The following ARHGAP5 variants were observed in gnomAD, a reference collection of about 807,000 sequenced individuals.
ARHGAP5 encodes the protein rho GTPase-activating protein 5.
A neutral mutation model predicts 116.6 loss-of-function variants in ARHGAP5; 23 were observed. The observed-to-expected ratio is 0.20, with a 90% confidence interval of 0.14 to 0.28. The LOEUF (loss-of-function observed/expected upper bound fraction) is 0.28. Ranked by LOEUF, ARHGAP5 falls within the 10% of genes least tolerant of loss-of-function variation. ARHGAP5 has a pLI of 1.00. For synonymous variants in ARHGAP5, 574 were observed against 602.0 expected, an observed-to-expected ratio of 0.95 and a Z score of 0.68; for missense variants, 1,405 against 1,774.8, an observed-to-expected ratio of 0.79 and a Z score of 3.74.
rs188541865 is a variant in ARHGAP5 at position 32,122,521 on chromosome 14, A to G, written c.3865+5234A>G. 3.0e-4 allele frequency among the ~76,000 whole-genome samples: 45 copies of G among 152,340 alleles called. No homozygotes were observed. The East Asian group carries it at 7.7e-3, about 26-fold the overall frequency. ...ATAAAGTTTTCAATTTTGATGAAGA[A>G]CATTTTGTCTGTTTCTAAAATTTTG... On this transcript the variant is annotated intron_variant, in intron 3 of 6. Coordinates refer to ENST00000345122, the MANE Select transcript of ARHGAP5 (RefSeq NM_001030055.2).
chr14:32,151,652 T>C (rs1881643150), intron 5 of ARHGAP5, among the ~76,000 whole-genome samples: 1 of 152,254 alleles, frequency 6.6e-6, no homozygotes, highest in Non-Finnish European at 1.5e-5. Context: ...TTACATGTTG[T>C]CTGTTACTGC....
rs1282908168 is a variant in ARHGAP5 at position 32,113,429 on chromosome 14, G to GTT, written c.3718-3710_3718-3709dup. Among the ~76,000 whole-genome samples, 11 of 152,072 alleles carry GTT rather than the reference G, an allele frequency of 7.2e-5. No homozygotes were observed. In the East Asian group the frequency reaches 2.1e-3, roughly 29 times the overall value. On this transcript the variant is annotated intron_variant, in intron 2 of 6. Coordinates refer to ENST00000345122, the MANE Select transcript of ARHGAP5 (RefSeq NM_001030055.2). ...GGATTATAATTTGACTGTCAGAGCA[G>GTT]TTCTTTATTTCTAAAGTATCCCTTT...
intron 3 of ARHGAP5, among the ~76,000 whole-genome samples, chr14:32,128,657 T>G (rs1013863005): frequency 1.3e-5 from 2 of 152,252 alleles, no homozygotes; most frequent in Non-Finnish European, 2.9e-5. Flanking sequence ...CCCCGGCTGC[T>G]CCATCCCGCT....
In ARHGAP5 at chr14:32,158,334, A is replaced by AT. The variant is rs1035410206; in HGVS notation, c.*3392dup. ...GGGGATGTATATAGGTGAAAATTTG[A>AT]TTTTTTAAATTATCAGGAAAACAAG... is the stretch of plus-strand genomic sequence containing the variant. On this transcript the variant is annotated 3_prime_UTR_variant, in exon 7 of 7. Transcript: ENST00000345122. 6.6e-6 allele frequency: 1 copy of AT among 151,948 alleles called. No individual in the cohort carries two copies. The highest frequency in any genetic ancestry group is 1.5e-5 in the Non-Finnish European group (1 of 67,848). The allele number at this position is 151,948 out of a possible 1,614,324, so 9.4% of individuals were successfully genotyped here. A position where few individuals can be genotyped will look rare whatever the true frequency, so the allele number is the denominator to read the frequency against.
intron 5 of ARHGAP5, among the ~76,000 whole-genome samples, chr14:32,151,466 TGTA>T (rs1156623719): frequency 2.6e-5 from 4 of 152,382 alleles, no homozygotes; most frequent in Admixed American, 2.6e-4. Flanking sequence ...TACAAGTAAT[TGTA>T]GTATAGGCGA....
chr14:32,135,425 GT>G (rs1566679617), intron 3 of ARHGAP5, among the ~76,000 whole-genome samples: 1 of 152,064 alleles, frequency 6.6e-6, no homozygotes, highest in East Asian at 1.9e-4. Context: ...GGTCTAAGTT[GT>G]TTTTTTGTTT....
chr14:32,094,746 C>G (rs1282003009), intron 2 of ARHGAP5, among the ~76,000 whole-genome samples: 1 of 152,110 alleles, frequency 6.6e-6, no homozygotes, highest in East Asian at 1.9e-4. Context: ...ACATACCTGT[C>G]TCACTCAAGG....
In ARHGAP5 at chr14:32,091,950, G is replaced by A; in HGVS notation, c.1281G>A (p.Arg427=). 6.2e-7 allele frequency: 1 copy of A among 1,613,540 alleles called. No homozygotes were observed. The change falls in exon 2 of 7, where the codon AGG becomes AGA. Residue 427 remains arginine, a synonymous_variant. Coordinates refer to ENST00000345122, the MANE Select transcript of ARHGAP5 (RefSeq NM_001030055.2). ...HVQHLISEKR[R]VEMKEKFKKT... ...AGCATCTGATATCCGAGAAGAGGAG[G>A]GTGGAAATGAAGGAAAAATTCAAAA... is the stretch of plus-strand genomic sequence containing the variant.
At chr14:32,139,780 A>C (rs1489406886) in intron 3 of ARHGAP5, among the ~76,000 whole-genome samples, 1 of 150,578 alleles carries the variant, frequency 6.6e-6, no homozygotes, top group African/African-American at 2.4e-5. Context: ...AGTTCCTTAA[A>C]GTTGGAATCT....
chr14:32,098,968 G>A (rs983448017), intron 2 of ARHGAP5, among the ~76,000 whole-genome samples: 3 of 152,202 alleles, frequency 2.0e-5, no homozygotes, highest in Admixed American at 6.5e-5. Context: ...TAGAGAGGCT[G>A]TGGAAGACCG....
At chr14:32,143,200 T>TTTGTTG (rs1440868192) in intron 3 of ARHGAP5, among the ~76,000 whole-genome samples, 1 of 125,306 alleles carries the variant, frequency 8.0e-6, no homozygotes, top group Non-Finnish European at 1.7e-5. Flanking sequence ...CAACATTATT[T>TTTGTTG]TAGTTGTTGT....
At chr14:32,114,397 T>C (rs779688227) in intron 2 of ARHGAP5, among the ~76,000 whole-genome samples, 17 of 152,240 alleles carry the variant, frequency 1.1e-4, no homozygotes, top group Non-Finnish European at 1.8e-4. Context: ...ACTCAGCCAG[T>C]GTACCCCTGC....
At chr14:32,096,152 T>A (rs1041247046) in intron 2 of ARHGAP5, among the ~76,000 whole-genome samples, 1 of 151,998 alleles carries the variant, frequency 6.6e-6, no homozygotes, top group African/African-American at 2.4e-5. Context: ...TTTTTTTTTT[T>A]AAGCCCTTTG....
intron 3 of ARHGAP5, among the ~76,000 whole-genome samples, chr14:32,131,233 T>TA (rs1299798487): frequency 3.9e-5 from 6 of 151,966 alleles, no homozygotes; most frequent in Non-Finnish European, 8.8e-5. Flanking sequence ...AATCATGTAT[T>TA]ACTTTTCTTG....
intron 3 of ARHGAP5, among the ~76,000 whole-genome samples, chr14:32,140,785 A>G (rs918999265): frequency 2.6e-5 from 4 of 152,158 alleles, no homozygotes; most frequent in African/African-American, 4.8e-5. Flanking sequence ...TTTAAAGAGA[A>G]TGTATATTGT....
chr14:32,084,962 T>G (rs1160007954), intron 1 of ARHGAP5, among the ~76,000 whole-genome samples: 4 of 151,782 alleles, frequency 2.6e-5, no homozygotes, highest in Non-Finnish European at 5.9e-5. Flanking sequence ...TAAGCTATGA[T>G]CCTGCCACTG....
chr14:32,120,399 T>A (rs1380744655), intron 3 of ARHGAP5, among the ~76,000 whole-genome samples: 1 of 151,896 alleles, frequency 6.6e-6, no homozygotes, highest in Non-Finnish European at 1.5e-5. Flanking sequence ...TTTCCATTTT[T>A]TAATTTATTG....
At chr14:32,077,467 C>T (rs1342399761) in intron 1 of ARHGAP5, 32 bp downstream of exon 1, 2 of 688,592 alleles carry the variant, frequency 2.9e-6, no homozygotes, top group Non-Finnish European at 5.3e-6. Flanking sequence ...TCCTCCAAGC[C>T]TGCCTGCCCC....
chr14:32,109,990 G>C (rs1390903569), intron 2 of ARHGAP5, among the ~76,000 whole-genome samples: 1 of 151,986 alleles, frequency 6.6e-6, no homozygotes, highest in Non-Finnish European at 1.5e-5. Flanking sequence ...CCCTTAACTT[G>C]TTGATTCACT....
Sources: gnomAD v4.1 joint callset for allele counts (sites outside exome capture counted in the v4.1 genomes callset) on GRCh38, gnomAD v4.1.1 for gene constraint, MANE v1.5 for transcripts, NCBI Gene and HGNC (gene_info 2026-07-23, HGNC 2026-07-21) for gene names.